The following BBX variants were observed in gnomAD, a reference collection of about 807,000 sequenced individuals.
BBX encodes the protein HMG box transcription factor BBX.
BBX carries 30 observed loss-of-function variants against 100.2 expected under a neutral mutation model. The ratio of observed to expected loss-of-function variants is 0.30; its 90% confidence interval spans 0.22 to 0.41. The LOEUF is 0.41. Ranked by LOEUF, BBX falls within the 10% of genes least tolerant of loss-of-function variation. The probability of loss-of-function intolerance (pLI) is 1.00; values close to 1 mark genes in which losing one functional copy is unlikely to be tolerated. For synonymous variants in BBX, 376 were observed against 388.1 expected (o/e 0.97, Z 0.37); for missense variants, 1,023 against 1,129.8 (o/e 0.91, Z 1.35).
chr3:107,528,693 T>C (rs1021204870), intron 2 of BBX, among the ~76,000 whole-genome samples: 1 of 152,224 alleles, frequency 6.6e-6, no homozygotes, highest in Non-Finnish European at 1.5e-5. Flanking sequence ...GCACATATGA[T>C]TACGATTGGC....
In BBX at chr3:107,728,846, A is replaced by G. The variant is rs1262738960; in HGVS notation, c.487A>G (p.Thr163Ala). The change falls in exon 6 of 18, where the codon ACT (threonine) becomes GCT (alanine). Residue 163 changes from threonine (T) to alanine (A), a missense_variant. Coordinates refer to ENST00000325805, the MANE Select transcript of BBX (RefSeq NM_001142568.3). ...TNKPVKSPTP[T>A]VNPRKKLWAF... is the part of the protein sequence containing the mutation. Reference sequence around the variant, plus strand: ...CAAGCCTGTGAAATCCCCAACACCCACTGTCAATCCACGAAAGAAACTTTG... The same window carrying G: ...CAAGCCTGTGAAATCCCCAACACCCGCTGTCAATCCACGAAAGAAACTTTG... The G allele has an allele frequency of 1.2e-6, 2 of 1,613,984 alleles. No homozygotes were observed. Among genetic ancestry groups the G allele is most frequent in the Non-Finnish European group, 1.7e-6 (2 of 1,179,876 alleles).
At chr3:107,590,001 AT>A (rs201870844) in intron 2 of BBX, among the ~76,000 whole-genome samples, 5 of 150,270 alleles carry the variant, frequency 3.3e-5, no homozygotes, top group African/African-American at 7.3e-5. Context: ...TAAGTCTTTC[AT>A]TTTTTTTTAC....
chr3:107,739,280 T>G (rs1292000807), intron 7 of BBX, among the ~76,000 whole-genome samples: 1 of 152,220 alleles, frequency 6.6e-6, no homozygotes, highest in Non-Finnish European at 1.5e-5. Flanking sequence ...TCCAAACTCC[T>G]TGCCCCAGTT....
At chr3:107,695,703 C>CT (rs760665844) in intron 3 of BBX, among the ~76,000 whole-genome samples, 18 of 151,650 alleles carry the variant, frequency 1.2e-4, no homozygotes, top group Non-Finnish European at 1.9e-4. Flanking sequence ...CTGTAGATGT[C>CT]TATTAGGTCC....
chr3:107,639,788 G>A (rs1270934323), intron 2 of BBX, among the ~76,000 whole-genome samples: 5 of 152,120 alleles, frequency 3.3e-5, no homozygotes, highest in African/African-American at 9.7e-5. Context: ...CATTAAATCA[G>A]CTAATGTATA....
chr3:107,782,144 C>A (rs933235754), intron 13 of BBX, among the ~76,000 whole-genome samples: 24 of 152,046 alleles, frequency 1.6e-4, no homozygotes, highest in Non-Finnish European at 2.9e-5. Context: ...ATACCTGATA[C>A]AATTTTGAGT....
At chr3:107,804,740 C>T (rs562946841) in intron 17 of BBX, among the ~76,000 whole-genome samples, 1 of 151,532 alleles carries the variant, frequency 6.6e-6, no homozygotes, top group South Asian at 2.1e-4. Context: ...AGCATCAGTG[C>T]TTGTTTTCTT....
At chr3:107,598,769 G>T (rs946323447) in intron 2 of BBX, among the ~76,000 whole-genome samples, 2 of 152,196 alleles carry the variant, frequency 1.3e-5, no homozygotes, top group African/African-American at 4.8e-5. Context: ...TTGGCAGATT[G>T]CATTCCTCAC....
chr3:107,704,559 A>G (rs1229204226), intron 3 of BBX, among the ~76,000 whole-genome samples: 1 of 152,236 alleles, frequency 6.6e-6, no homozygotes, highest in Non-Finnish European at 1.5e-5. Context: ...GCTTTTGTGC[A>G]TCATTATTCC....
intron 16 of BBX, among the ~76,000 whole-genome samples, chr3:107,800,847 A>G (rs1380815422): frequency 6.6e-6 from 1 of 152,214 alleles, no homozygotes; most frequent in South Asian, 2.1e-4. Context: ...TTGACCTCAG[A>G]TAAAACACAG....
At chr3:107,632,861 T>TA (rs1426711328) in intron 2 of BBX, among the ~76,000 whole-genome samples, 1 of 152,192 alleles carries the variant, frequency 6.6e-6, no homozygotes, top group Non-Finnish European at 1.5e-5. Flanking sequence ...AATTAGAAGA[T>TA]AAAATCCCTT....
intron 5 of BBX, among the ~76,000 whole-genome samples, chr3:107,718,421 T>C (rs2062275929): frequency 6.6e-6 from 1 of 151,378 alleles, no homozygotes; most frequent in African/African-American, 2.4e-5. Flanking sequence ...ACCTACATGA[T>C]TTTAAATATT....
intron 2 of BBX, among the ~76,000 whole-genome samples, chr3:107,581,468 G>A (rs2052276023): frequency 6.6e-6 from 1 of 151,526 alleles, no homozygotes; most frequent in South Asian, 2.1e-4. Context: ...GAAGTGAAGA[G>A]ACTATATTTT....
intron 3 of BBX, among the ~76,000 whole-genome samples, chr3:107,675,788 C>G (rs2059250701): frequency 6.6e-6 from 1 of 152,152 alleles, no homozygotes; most frequent in Non-Finnish European, 1.5e-5. Context: ...CTTGAGCTAA[C>G]CTTTAACTCC....
intron 2 of BBX, among the ~76,000 whole-genome samples, chr3:107,563,494 G>A (rs960497003): frequency 6.6e-6 from 1 of 152,064 alleles, no homozygotes; most frequent in Non-Finnish European, 1.5e-5. Context: ...ATATTATTAT[G>A]TGCATAAATT....
rs141599772 is a variant in BBX, at chr3:107,772,858, T to C, written c.1137T>C (p.Asp379=). ...GAAATTTTGAGGCATTGCAAATAGA[T>C]GACATAATGGCTATAAAAATGGAAG... is the stretch of plus-strand genomic sequence containing the variant. ...ELRNFEALQI[D]DIMAIKMEDP... The change falls in exon 11 of 18, where the codon GAT becomes GAC. Residue 379 remains aspartate (D), a synonymous_variant. Coordinates refer to ENST00000325805, the MANE Select transcript of BBX (RefSeq NM_001142568.3). 2.5e-6 allele frequency: 4 copies of C among 1,613,406 alleles called. No homozygotes were observed. Among genetic ancestry groups the C allele is most frequent in the Admixed American group, 3.3e-5 (2 of 59,918 alleles).
chr3:107,615,869 G>T (rs2107670785), intron 2 of BBX, among the ~76,000 whole-genome samples: 1 of 152,198 alleles, frequency 6.6e-6, no homozygotes, highest in Admixed American at 6.5e-5. Flanking sequence ...AAGCCTTTCA[G>T]AATGAATAAG....
At chr3:107,608,817 T>C (rs1050257257) in intron 2 of BBX, among the ~76,000 whole-genome samples, 2 of 152,190 alleles carry the variant, frequency 1.3e-5, no homozygotes, top group African/African-American at 4.8e-5. Context: ...TTAATTTTAT[T>C]CATAGCTATT....
At chr3:107,651,526 A>G (rs1382574028) in intron 3 of BBX, among the ~76,000 whole-genome samples, 1 of 152,218 alleles carries the variant, frequency 6.6e-6, no homozygotes, top group African/African-American at 2.4e-5. Context: ...AAGTTGAACA[A>G]GATAATTACT....
Sources: gnomAD v4.1 joint callset for allele counts (sites outside exome capture counted in the v4.1 genomes callset) on GRCh38, gnomAD v4.1.1 for gene constraint, MANE v1.5 for transcripts, NCBI Gene and HGNC (gene_info 2026-07-23, HGNC 2026-07-21) for gene names.